DYSF: variants seen among roughly 807,000 people sequenced by gnomAD.
DYSF encodes the protein dysferlin.
DYSF carries 212 observed loss-of-function variants against 274.9 expected under a neutral mutation model. The ratio of observed to expected loss-of-function variants is 0.77; its 90% confidence interval spans 0.69 to 0.86. The LOEUF (loss-of-function observed/expected upper bound fraction) is 0.86, where lower values mean the gene tolerates loss of function less well. Among genes scored for constraint, DYSF ranks in the 40% least tolerant of loss-of-function variants. The pLI, the probability that DYSF is intolerant of heterozygous loss-of-function variation, is 0.00. For synonymous variants in DYSF, 1,091 were observed against 1,078.7 expected (o/e 1.01, Z -0.22); for missense variants, 2,666 against 2,783.2 (o/e 0.96, Z 0.95).
chr2:71,459,497 G>T (rs530520174), intron 1 of DYSF, among the ~76,000 whole-genome samples: 2 of 152,190 alleles, frequency 1.3e-5, no homozygotes, highest in African/African-American at 2.4e-5. Flanking sequence ...TGAGCTGAGG[G>T]GGGGACACCT....
At chr2:71,470,449 G>T (rs1438632342) in intron 1 of DYSF, among the ~76,000 whole-genome samples, 1 of 152,038 alleles carries the variant, frequency 6.6e-6, no homozygotes, top group East Asian at 1.9e-4. Flanking sequence ...AAGGCGGGTG[G>T]ATCATGAGGT....
intron 17 of DYSF, among the ~76,000 whole-genome samples, chr2:71,549,794 T>C (rs1380595851): frequency 6.6e-6 from 1 of 152,118 alleles, no homozygotes; most frequent in Non-Finnish European, 1.5e-5. Flanking sequence ...ATCCCCAAGG[T>C]AAATCATAAT....
At chr2:71,465,840 A>G (rs2081497849), upstream of DYSF, among the ~76,000 whole-genome samples, 1 of 152,124 alleles carries the variant, frequency 6.6e-6, no homozygotes. Context: ...AAGGAACCAG[A>G]CATAATAAGC....
intron 1 of DYSF, among the ~76,000 whole-genome samples, chr2:71,460,280 A>G (rs554831927): frequency 1.4e-4 from 21 of 152,288 alleles, no homozygotes; most frequent in African/African-American, 4.8e-4. Flanking sequence ...CCAGAGGGGA[A>G]AGGGGGCCGG....
chr2:71,568,564 ATT>A (rs372984442), intron 26 of DYSF, among the ~76,000 whole-genome samples: 2 of 146,176 alleles, frequency 1.4e-5, no homozygotes, highest in Non-Finnish European at 1.5e-5. Flanking sequence ...CATTAAAAAA[ATT>A]TTTTTTTTTT....
chr2:71,617,473 C>T (rs1456810210), intron 40 of DYSF, among the ~76,000 whole-genome samples: 1 of 151,964 alleles, frequency 6.6e-6, no homozygotes, highest in Non-Finnish European at 1.5e-5. Flanking sequence ...GCTTTCCTGG[C>T]AGGCAAAAGG....
At chr2:71,641,875 A>G (rs902766488) in intron 41 of DYSF, among the ~76,000 whole-genome samples, 4 of 152,004 alleles carry the variant, frequency 2.6e-5, no homozygotes, top group African/African-American at 9.7e-5. Flanking sequence ...TAGTGGTTTT[A>G]TTTCTGGGAC....
chr2:71,599,981 G>T (rs916634425), intron 33 of DYSF, among the ~76,000 whole-genome samples: 2 of 152,128 alleles, frequency 1.3e-5, no homozygotes, highest in African/African-American at 4.8e-5. Flanking sequence ...GTTTGGAGAA[G>T]GGCACAGGCC....
intron 3 of DYSF, among the ~76,000 whole-genome samples, chr2:71,485,225 T>C (rs1482339871): frequency 1.3e-5 from 2 of 152,192 alleles, no homozygotes; most frequent in Non-Finnish European, 2.9e-5. Context: ...TCTCAGAATA[T>C]GCCAAAGCAA....
intron 22 of DYSF, among the ~76,000 whole-genome samples, chr2:71,560,836 T>A (rs1436740476): frequency 6.6e-6 from 1 of 151,630 alleles, no homozygotes; most frequent in Non-Finnish European, 1.5e-5. Flanking sequence ...GTTTGACTAA[T>A]GTCCTGTTTG....
At chr2:71,468,985 AC>A (rs1357589917) in intron 1 of DYSF, among the ~76,000 whole-genome samples, 8 of 152,182 alleles carry the variant, frequency 5.3e-5, no homozygotes, top group African/African-American at 1.7e-4. Flanking sequence ...TGGTCCGCTC[AC>A]TTGATTGTTC....
At chr2:71,564,308 C>A (rs1189311654) in intron 24 of DYSF, 95 bp downstream of exon 24, 110 of 1,525,866 alleles carry the variant, frequency 7.2e-5, no homozygotes, top group Non-Finnish European at 9.1e-7. Context: ...CTTGACCTAT[C>A]TTAGTTCTTA....
intron 1 of DYSF, among the ~76,000 whole-genome samples, chr2:71,473,374 G>A (rs1191013480): frequency 4.6e-5 from 7 of 152,152 alleles, no homozygotes; most frequent in African/African-American, 1.2e-4. Flanking sequence ...TAATGGGGCC[G>A]TCAAGAAACG....
chr2:71,517,796 GC>G (rs2152738047), intron 10 of DYSF, among the ~76,000 whole-genome samples: 1 of 152,300 alleles, frequency 6.6e-6, no homozygotes, highest in African/African-American at 2.4e-5. Flanking sequence ...TTAAAAAGAT[GC>G]ATTTCAAAGA....
At chr2:71,462,201 G>A (rs2081310968), upstream of DYSF, among the ~76,000 whole-genome samples, 1 of 152,208 alleles carries the variant, frequency 6.6e-6, no homozygotes, top group South Asian at 2.1e-4. Context: ...GTGTGTGAGT[G>A]AGTGCAGGGT....
intron 54 of DYSF, among the ~76,000 whole-genome samples, chr2:71,681,776 C>T (rs551432621): frequency 3.0e-4 from 46 of 152,304 alleles, no homozygotes; most frequent in African/African-American, 1.0e-3. Context: ...TGCTGGATCC[C>T]GCCCCACCAG....
At chr2:71,456,546 G>T (rs1433717893) in intron 1 of DYSF, among the ~76,000 whole-genome samples, 1 of 152,150 alleles carries the variant, frequency 6.6e-6, no homozygotes, top group African/African-American at 2.4e-5. Context: ...GGCTGGGTCT[G>T]CTCTTCCCAG....
Position 71,539,248 on chromosome 2 carries a change from C to A in DYSF, c.1576+9C>A, listed in dbSNP as rs1257070622. ...TGGAGGAGAAATAGAAGGTATGTTC[C>A]CTCTTCGTTCTGCCCTTTGACCCCC... is the stretch of plus-strand genomic sequence containing the variant. On this transcript the variant is annotated intron_variant, in intron 17 of 55. Coordinates refer to ENST00000410020, the MANE Select transcript of DYSF (RefSeq NM_001130987.2). 1 of 1,612,508 alleles carries A rather than the reference C, an allele frequency of 6.2e-7. No homozygotes were observed. Among genetic ancestry groups the A allele is most frequent in the Non-Finnish European group, 8.5e-7 (1 of 1,178,578 alleles).
chr2:71,509,179 T>C (rs1411117316), intron 4 of DYSF, among the ~76,000 whole-genome samples: 1 of 152,012 alleles, frequency 6.6e-6, no homozygotes, highest in East Asian at 1.9e-4. Context: ...TTTGTTTTTG[T>C]TTTGAGACTG....
Sources: allele counts gnomAD v4.1 joint callset (sites outside exome capture counted in the v4.1 genomes callset), GRCh38; gene constraint gnomAD v4.1.1; transcripts MANE v1.5; gene names NCBI Gene and HGNC (gene_info 2026-07-23, HGNC 2026-07-21).